Variants in FBXW7 observed in about 807,000 individuals in gnomAD.
FBXW7 encodes the protein F-box/WD repeat-containing protein 7.
FBXW7 carries 11 observed loss-of-function variants against 86.3 expected under a neutral mutation model. The observed-to-expected ratio is 0.13, with a 90% confidence interval of 0.08 to 0.21. The LOEUF is 0.21. Ranked by LOEUF, FBXW7 falls within the 10% of genes least tolerant of loss-of-function variation. The pLI, the probability that FBXW7 is intolerant of heterozygous loss-of-function variation, is 1.00. For missense variants in FBXW7, 488 were observed against 847.4 expected (o/e 0.58, Z 5.27); for synonymous variants, 313 against 297.9 (o/e 1.05, Z -0.52).
chr4:152,415,729 A>T (rs968491652), intron 2 of FBXW7, among the ~76,000 whole-genome samples: 4 of 151,972 alleles, frequency 2.6e-5, no homozygotes, highest in Admixed American at 2.6e-4. Context: ...ACCACTGTGA[A>T]CTCATATTTT....
intron 2 of FBXW7, among the ~76,000 whole-genome samples, chr4:152,501,765 ACT>A (rs1192086561): frequency 9.2e-5 from 14 of 151,978 alleles, no homozygotes; most frequent in African/African-American, 3.1e-4. Flanking sequence ...AAACAAAATT[ACT>A]CTCTTTTTTT....
chr4:152,391,374 G>T (rs1217055214), intron 4 of FBXW7, among the ~76,000 whole-genome samples: 1 of 151,996 alleles, frequency 6.6e-6, no homozygotes. Flanking sequence ...TGTAGCTGAG[G>T]TTTAAATTAA....
At chr4:152,397,737 A>C (rs572526483) in intron 4 of FBXW7, among the ~76,000 whole-genome samples, 138 of 150,688 alleles carry the variant, frequency 9.2e-4, no homozygotes, top group African/African-American at 3.2e-3. Flanking sequence ...AGGAAGATTA[A>C]ATCAGTTGTT....
At chr4:152,395,338 G>A (rs1408383911) in intron 4 of FBXW7, among the ~76,000 whole-genome samples, 1 of 152,006 alleles carries the variant, frequency 6.6e-6, no homozygotes, top group Admixed American at 6.6e-5. Context: ...ACACTTAAGA[G>A]TGGACAACCT....
intron 2 of FBXW7, among the ~76,000 whole-genome samples, chr4:152,522,316 G>A (rs759012561): frequency 6.6e-6 from 1 of 152,160 alleles, no homozygotes; most frequent in Non-Finnish European, 1.5e-5. Context: ...TGAAAAAAGT[G>A]TAAGGACTTT....
intron 2 of FBXW7, among the ~76,000 whole-genome samples, chr4:152,492,033 T>C (rs555273145): frequency 2.0e-5 from 3 of 152,298 alleles, no homozygotes; most frequent in African/African-American, 7.2e-5. Flanking sequence ...TTATGCACCC[T>C]CCCAGTTGAA....
At chr4:152,426,726 C>G (rs1407893785) in intron 2 of FBXW7, among the ~76,000 whole-genome samples, 2 of 152,138 alleles carry the variant, frequency 1.3e-5, no homozygotes, top group Middle Eastern at 3.2e-3. Context: ...GTGTAGTGGG[C>G]CCTCAGCCAG....
intron 4 of FBXW7, among the ~76,000 whole-genome samples, chr4:152,352,103 C>T (rs1242319304): frequency 6.6e-6 from 1 of 151,678 alleles, no homozygotes; most frequent in African/African-American, 2.4e-5. Context: ...AAAGAGTCAA[C>T]TAATGAAAAA....
chr4:152,514,689 C>T (rs942776375), intron 2 of FBXW7, among the ~76,000 whole-genome samples: 25 of 152,288 alleles, frequency 1.6e-4, no homozygotes, highest in African/African-American at 6.0e-4. Context: ...TCTCTCCTTT[C>T]CTGCCTCACC....
rs983231566 is a variant in FBXW7 at position 152,535,257 on chromosome 4, C to T, written c.-343G>A. 1 of 243,134 alleles carries T rather than the reference C, an allele frequency of 4.1e-6. No individual in the cohort carries two copies. Among genetic ancestry groups the T allele is most frequent in the Non-Finnish European group, 7.9e-6 (1 of 127,004 alleles). 15.1% of individuals were successfully genotyped at this position (243,134 alleles called of 1,614,324 possible). ...TAAAGTTTCCTCTGGGTGGAGGCTG[C>T]GGCCGGCCCCCCGGGTCCCCCCCGG... is the stretch of plus-strand genomic sequence containing the variant. On this transcript the variant is annotated 5_prime_UTR_variant, in exon 1 of 14. Transcript: ENST00000281708.
At chr4:152,404,313 A>C (rs1289380952) in intron 4 of FBXW7, among the ~76,000 whole-genome samples, 1 of 152,244 alleles carries the variant, frequency 6.6e-6, no homozygotes, top group Non-Finnish European at 1.5e-5. Flanking sequence ...TTATTTTTCA[A>C]ATAAAGAGGC....
chr4:152,398,365 T>C (rs1344684856), intron 4 of FBXW7, among the ~76,000 whole-genome samples: 1 of 151,988 alleles, frequency 6.6e-6, no homozygotes, highest in Non-Finnish European at 1.5e-5. Flanking sequence ...TAAAATTTTC[T>C]ATGTATGCTA....
intron 2 of FBXW7, among the ~76,000 whole-genome samples, chr4:152,470,644 T>A (rs1290053662): frequency 6.6e-6 from 1 of 152,158 alleles, no homozygotes; most frequent in Non-Finnish European, 1.5e-5. Flanking sequence ...AATAATTTTA[T>A]AATAAACTTA....
intron 2 of FBXW7, among the ~76,000 whole-genome samples, chr4:152,488,615 T>C (rs1251670585): frequency 6.6e-6 from 1 of 152,052 alleles, no homozygotes; most frequent in Non-Finnish European, 1.5e-5. Context: ...TAAAACACTA[T>C]CATTCAAAAA....
At chr4:152,462,662 C>T (rs749493834) in intron 2 of FBXW7, among the ~76,000 whole-genome samples, 2 of 152,172 alleles carry the variant, frequency 1.3e-5, no homozygotes, top group Non-Finnish European at 2.9e-5. Flanking sequence ...TCTGGCTTTG[C>T]TTTTTTGGTT....
intron 2 of FBXW7, among the ~76,000 whole-genome samples, chr4:152,521,238 G>A (rs529083946): frequency 6.6e-6 from 1 of 152,082 alleles, no homozygotes; most frequent in South Asian, 2.1e-4. Flanking sequence ...AGATACTGTG[G>A]GTAACCAGTG....
chr4:152,509,861 A>G (rs867599785), intron 2 of FBXW7, among the ~76,000 whole-genome samples: 1 of 152,222 alleles, frequency 6.6e-6, no homozygotes, highest in African/African-American at 2.4e-5. Flanking sequence ...TAGGTAGTCC[A>G]TTTATTACTG....
chr4:152,464,340 G>C (rs1226493779), intron 2 of FBXW7, among the ~76,000 whole-genome samples: 2 of 152,144 alleles, frequency 1.3e-5, no homozygotes, highest in South Asian at 4.1e-4. Flanking sequence ...GTAGAGGAAA[G>C]AAGGGCTAAG....
chr4:152,487,750 A>AT (rs1430553644), intron 2 of FBXW7, among the ~76,000 whole-genome samples: 1 of 152,032 alleles, frequency 6.6e-6, no homozygotes, highest in Non-Finnish European at 1.5e-5. Flanking sequence ...TCTTCCTTGT[A>AT]TTTTTTATAT....
Sources: allele counts gnomAD v4.1 joint callset (sites outside exome capture counted in the v4.1 genomes callset), GRCh38; gene constraint gnomAD v4.1.1; transcripts MANE v1.5; gene names NCBI Gene and HGNC (gene_info 2026-07-23, HGNC 2026-07-21).